The following FAM110C variants were observed in gnomAD, a reference collection of about 807,000 sequenced individuals.
FAM110C encodes the protein family with sequence similarity 110 member C, also known as protein FAM110C.
In FAM110C, 19 loss-of-function variants were observed where a neutral mutation model predicts 15.7. That is an observed-to-expected ratio of 1.21 (90% CI 0.85 to 1.78). FAM110C has a LOEUF of 1.78. Among genes scored for constraint, FAM110C ranks in the 40% most tolerant of loss-of-function variants. The pLI, the probability that FAM110C is intolerant of heterozygous loss-of-function variation, is 0.00. For synonymous variants in FAM110C, 275 were observed against 233.9 expected (o/e 1.18, Z -1.61); for missense variants, 547 against 495.7 (o/e 1.10, Z -0.98).
chr2:45,534 A>AGTG lies in FAM110C; in HGVS notation c.849_851dup (p.Thr284dup). ...TGCGGGCGTTCCTCTCGATGACCGAAGTGGTGCTGGGCACCTGCTCTATCA... is the reference window on the plus strand; with the variant it reads ...TGCGGGCGTTCCTCTCGATGACCGAAGTGGTGGTGCTGGGCACCTGCTCTATCA... On this transcript the variant is annotated inframe_insertion, in exon 1 of 2. Coordinates refer to ENST00000327669, the MANE Select transcript of FAM110C (RefSeq NM_001077710.3). The AGTG allele has an allele frequency of 1.2e-6, 2 of 1,614,084 alleles. No homozygotes were observed. The highest frequency in any genetic ancestry group is 1.7e-6 in the Non-Finnish European group (2 of 1,180,008).
At position 41,345 on chromosome 2, in the gene FAM110C, T is replaced by C. The variant is rs1292141840; in HGVS notation, c.*263A>G. The stretch of plus-strand genomic sequence containing the variant: ...AAAAGATTTCCAAACAGCTTTACGG[T>C]TTCCAGCTGCCCTCTGGAAGCAACA... On this transcript the variant is annotated 3_prime_UTR_variant, in exon 2 of 2. Transcript: ENST00000327669. The C allele has an allele frequency of 2.5e-6, 1 of 401,810 alleles. No homozygotes were observed. The highest frequency in any genetic ancestry group is 3.7e-5 in the East Asian group (1 of 27,098). 24.9% of individuals were successfully genotyped at this position (401,810 alleles called of 1,614,324 possible). A position where few individuals can be genotyped will look rare whatever the true frequency, so the allele number is the denominator to read the frequency against.
chr2:45,715 A>G lies in FAM110C; in HGVS notation c.671T>C (p.Leu224Pro). ...ESDTFFQYCG[L>P]DPEVVEALGR... The stretch of plus-strand genomic sequence containing the variant: ...CAGGGCCTCCACCACCTCGGGGTCC[A>G]GGCCGCAGTACTGGAAGAAGGTGTC... Residue 224 changes from leucine (L) to proline (P), a missense_variant, in exon 1 of 2, where the codon CTG becomes CCG. By Grantham distance (98) the Leu-to-Pro change is moderately conservative (BLOSUM62 -3). Transcript: ENST00000327669. The G allele has an allele frequency of 6.2e-7, 1 of 1,601,702 alleles. No individual in the cohort carries two copies. Among genetic ancestry groups the G allele is most frequent in the Non-Finnish European group, 8.5e-7 (1 of 1,175,156 alleles).
chr2:46,448 C>A lies in FAM110C; in HGVS notation c.-63G>T, dbSNP rs999032833. ...GCGGAGACGCGCTCGAGTGGTAGAGCCAGTCAGTCCCAGGGCCGGTTCCGA... is the reference window on the plus strand; with the variant it reads ...GCGGAGACGCGCTCGAGTGGTAGAGACAGTCAGTCCCAGGGCCGGTTCCGA... On this transcript the variant is annotated 5_prime_UTR_variant, in exon 1 of 2. Coordinates refer to ENST00000327669, the MANE Select transcript of FAM110C (RefSeq NM_001077710.3). 1.7e-6 allele frequency: 2 copies of A among 1,195,916 alleles called. No homozygotes were observed. The highest frequency in any genetic ancestry group is 2.1e-6 in the Non-Finnish European group (2 of 945,238). 74.1% of individuals were successfully genotyped at this position (1,195,916 alleles called of 1,614,324 possible). A position where few individuals can be genotyped will look rare whatever the true frequency, so the allele number is the denominator to read the frequency against.
Position 46,134 on chromosome 2 carries a change from CG to C in FAM110C, c.251del (p.Pro84ArgfsTer12). 1 of 1,437,900 alleles carries C rather than the reference CG, an allele frequency of 7.0e-7. No homozygotes were observed. 89.1% of individuals were successfully genotyped at this position (1,437,900 alleles called of 1,614,324 possible). Reference protein sequence around the residue: ...DPGPPARAPAPVARRAIARKP... With the variant: ...DPGPPARAPAXVARRAIARKP... The stretch of plus-strand genomic sequence containing the variant: ...TCCGCGCAATAGCCCTGCGCGCCAC[CG>C]GGGCCGGGGCGCGGGCCGGGGGCCC... On this transcript the variant is annotated frameshift_variant, in exon 1 of 2. Coordinates refer to ENST00000327669, the MANE Select transcript of FAM110C (RefSeq NM_001077710.3). LOFTEE classifies it high-confidence loss of function.
rs1445406691 is a variant in FAM110C, at chr2:39,153, C to T, written c.*2455G>A. The T allele has an allele frequency of 6.6e-6, 1 of 152,206 alleles. No individual in the cohort carries two copies. Among genetic ancestry groups the T allele is most frequent in the African/African-American group, 2.4e-5 (1 of 41,440 alleles). 9.4% of individuals were successfully genotyped at this position (152,206 alleles called of 1,614,324 possible). On this transcript the variant is annotated 3_prime_UTR_variant, in exon 2 of 2. Transcript: ENST00000327669. ...CACTATTGCCCATTCTTGTGGGAAG[C>T]AATCGCAAGCTTTTCATCCCGACTG...
intron 1 of FAM110C, chr2:42,262 A>G (rs2103269813): frequency 1.0e-6 from 1 of 985,452 alleles, no homozygotes; most frequent in Non-Finnish European, 1.2e-6. Flanking sequence ...GCGCTTCTAC[A>G]GGTATTTCTT....
chr2:46,326 G>A lies in FAM110C; in HGVS notation c.60C>T (p.Pro20=). The A allele has an allele frequency of 7.6e-7, 1 of 1,320,594 alleles. No homozygotes were observed. 81.8% of individuals were successfully genotyped at this position (1,320,594 alleles called of 1,614,324 possible). Residue 20 remains proline, a synonymous_variant, in exon 1 of 2, where the codon CCC becomes CCT. Coordinates refer to ENST00000327669, the MANE Select transcript of FAM110C (RefSeq NM_001077710.3). The part of the protein sequence containing the change: ...PPNERLLPRD[P]AATRDPDAAR... ...CGGCGTCGGGGTCCCGGGTAGCCGC[G>A]GGGTCCCGGGGAAGGAGCCGCTCGT...
intron 1 of FAM110C, chr2:43,097 T>C: frequency 1.0e-6 from 1 of 985,524 alleles, no homozygotes; most frequent in South Asian, 4.7e-5. Flanking sequence ...GTTCCGGTGA[T>C]CTGGAGAAAG....
chr2:42,756 G>T, intron 1 of FAM110C: 1 of 833,462 alleles, frequency 1.2e-6, no homozygotes, highest in Non-Finnish European at 1.4e-6. Context: ...TATCTACCAA[G>T]AGGACAAAAA....
In FAM110C at chr2:44,553, A is replaced by T. The variant is rs958096507; in HGVS notation, c.946+887T>A. 6.1e-6 allele frequency: 6 copies of T among 985,322 alleles called. No homozygotes were observed. In the African/African-American group the frequency reaches 1.0e-4, roughly 17 times the overall value. The allele number at this position is 985,322 out of a possible 1,614,324, so 61.0% of individuals were successfully genotyped here. On this transcript the variant is annotated intron_variant, in intron 1 of 1. Coordinates refer to ENST00000327669, the MANE Select transcript of FAM110C (RefSeq NM_001077710.3). ...GGAAAAAAAAGATGTCGCAAAGTTT[A>T]AATTGTTCGTTCTCAAAGACAGCCC... is the stretch of plus-strand genomic sequence containing the variant.
In FAM110C at chr2:45,515, C is replaced by T; in HGVS notation, c.871G>A (p.Ala291Thr). The change falls in exon 1 of 2, where the codon GCC (alanine) becomes ACC (threonine). Residue 291 changes from alanine (A) to threonine (T), a missense_variant. Coordinates refer to ENST00000327669, the MANE Select transcript of FAM110C (RefSeq NM_001077710.3). ...PSTTSVIERN[A>T]RIIKWLYTCK... ...GTGTACAGCCACTTGATGATGCGGGCGTTCCTCTCGATGACCGAAGTGGTG... is the reference window on the plus strand; with the variant it reads ...GTGTACAGCCACTTGATGATGCGGGTGTTCCTCTCGATGACCGAAGTGGTG... 6.2e-7 allele frequency: 1 copy of T among 1,614,174 alleles called. No homozygotes were observed. The highest frequency in any genetic ancestry group is 1.3e-5 in the African/African-American group (1 of 75,068).
In FAM110C at chr2:39,776, C is replaced by T. The variant is rs189338081; in HGVS notation, c.*1832G>A. ...CCATCCTGTTCTGACAGTAGAAAGG[C>T]ATACACACTTTTACTTAAAGCTTTC... On this transcript the variant is annotated 3_prime_UTR_variant, in exon 2 of 2. Coordinates refer to ENST00000327669, the MANE Select transcript of FAM110C (RefSeq NM_001077710.3). The T allele has an allele frequency of 1.3e-3, 198 of 152,304 alleles. 1 individual carries two copies. Among genetic ancestry groups the T allele is most frequent in the African/African-American group, 4.5e-3 (186 of 41,556 alleles). 9.4% of individuals were successfully genotyped at this position (152,304 alleles called of 1,614,324 possible).
rs746302953 is a variant in FAM110C at position 41,610 on chromosome 2, A to G, written c.964T>C (p.Ter322ArgextTer1). The change falls in exon 2 of 2, where the codon TGA becomes CGA. Residue 322 changes from the stop codon to arginine (R), a stop_lost. Coordinates refer to ENST00000327669, the MANE Select transcript of FAM110C (RefSeq NM_001077710.3). ...TGAAATCCTTCAAGAAGTCTTCATCATCGGGAAGGTTTGCTTCCTGAGGAG... is the reference window on the plus strand; with the variant it reads ...TGAAATCCTTCAAGAAGTCTTCATCGTCGGGAAGGTTTGCTTCCTGAGGAG... ...SRTRGSKPSR[*>R] 1.9e-6 allele frequency: 3 copies of G among 1,613,828 alleles called. No homozygotes were observed. Among genetic ancestry groups the G allele is most frequent in the Non-Finnish European group, 1.7e-6 (2 of 1,179,898 alleles).
intron 1 of FAM110C, chr2:44,779 G>A (rs1664230549): frequency 2.0e-6 from 2 of 985,400 alleles, no homozygotes. Context: ...TTACAATCTA[G>A]TCCAATTTCC....
At position 46,119 on chromosome 2, in the gene FAM110C, A is replaced by G; in HGVS notation, c.267T>C (p.Ala89=). 6.8e-7 allele frequency: 1 copy of G among 1,462,324 alleles called. No individual in the cohort carries two copies. 90.6% of individuals were successfully genotyped at this position (1,462,324 alleles called of 1,614,324 possible). ...CCGGTCTCAACGGCTTCCGCGCAAT[A>G]GCCCTGCGCGCCACCGGGGCCGGGG... The part of the protein sequence containing the change: ...ARAPAPVARR[A]IARKPLRPDS... The change falls in exon 1 of 2, where the codon GCT becomes GCC. Residue 89 remains alanine, a synonymous_variant. Coordinates refer to ENST00000327669, the MANE Select transcript of FAM110C (RefSeq NM_001077710.3).
Position 46,361 on chromosome 2 carries a change from C to T in FAM110C, c.25G>A (p.Ala9Thr), listed in dbSNP as rs974379435. The T allele has an allele frequency of 6.1e-6, 8 of 1,302,118 alleles. No individual in the cohort carries two copies. Among genetic ancestry groups the T allele is most frequent in the Non-Finnish European group, 7.8e-6 (8 of 1,027,970 alleles). The allele number at this position is 1,302,118 out of a possible 1,614,324, so 80.7% of individuals were successfully genotyped here. A position where few individuals can be genotyped will look rare whatever the true frequency, so the allele number is the denominator to read the frequency against. ...GGAAGGAGCCGCTCGTTCGGGGGCGCGCTCAGGGCCGCCAGGGCGCGCATC... is the reference window on the plus strand; with the variant it reads ...GGAAGGAGCCGCTCGTTCGGGGGCGTGCTCAGGGCCGCCAGGGCGCGCATC... MRALAALS[A>T]PPNERLLPRD... The change falls in exon 1 of 2, where the codon GCG becomes ACG. Residue 9 changes from alanine to threonine, a missense_variant. Ala to Thr is a moderately conservative substitution (Grantham distance 58). Transcript: ENST00000327669.
intron 1 of FAM110C, chr2:44,944 C>T (rs948996779): frequency 9.1e-6 from 9 of 985,256 alleles, no homozygotes; most frequent in Non-Finnish European, 9.6e-6. Flanking sequence ...GGGAGTCTTC[C>T]TTTCTGTTCC....
intron 1 of FAM110C, 83 bp from the exon 2 acceptor site, chr2:41,710 T>C (rs1664130513): frequency 6.6e-7 from 1 of 1,523,588 alleles, no homozygotes; most frequent in South Asian, 1.3e-5. Context: ...TATACTGGTC[T>C]GGTCCCTGTA....
chr2:45,832 G>C lies in FAM110C; in HGVS notation c.554C>G (p.Pro185Arg). The C allele has an allele frequency of 6.5e-7, 1 of 1,540,616 alleles. No individual in the cohort carries two copies. The highest frequency in any genetic ancestry group is 8.7e-7 in the Non-Finnish European group (1 of 1,147,702). Residue 185 changes from proline to arginine, a missense_variant, in exon 1 of 2, where the codon CCT becomes CGT. Pro to Arg is a moderately radical substitution (Grantham distance 103). Transcript: ENST00000327669. ...CCTCACCACCCGCGGCTCTGGCCCA[G>C]GGGGCGCGGCCGGGACACTGGAGGG... Reference protein sequence around the residue: ...AAPSSVPAAPPGPEPRVVRRR... With the variant: ...AAPSSVPAAPRGPEPRVVRRR...
Sources: gnomAD v4.1 joint callset for allele counts on GRCh38, gnomAD v4.1.1 for gene constraint, MANE v1.5 for transcripts, NCBI Gene and HGNC (gene_info 2026-07-23, HGNC 2026-07-21) for gene names.